The following DHRSX variants were observed in gnomAD, a reference collection of about 807,000 sequenced individuals.
DHRSX encodes the protein polyprenol dehydrogenase.
DHRSX carries 31 observed loss-of-function variants against 34.0 expected under a neutral mutation model. That is an observed-to-expected ratio of 0.91 (90% confidence interval 0.69 to 1.23). DHRSX has a LOEUF of 1.23. DHRSX is among the 50% of genes most tolerant of loss of function. The pLI is 0.00. For missense variants in DHRSX, 414 were observed against 428.1 expected, an observed-to-expected ratio of 0.97 and a Z score of 0.29; for synonymous variants, 201 against 183.8, an observed-to-expected ratio of 1.09 and a Z score of -0.76.
intron 1 of DHRSX, among the ~76,000 whole-genome samples, chrX:2,459,918 G>A (rs2044379578): frequency 6.6e-6 from 1 of 151,952 alleles, no homozygotes; most frequent in South Asian, 2.1e-4. Context: ...GAACAGCAAG[G>A]CCAATATGCT....
At chrX:2,468,180 C>T (rs895067035) in intron 1 of DHRSX, among the ~76,000 whole-genome samples, 7 of 152,108 alleles carry the variant, frequency 4.6e-5, no homozygotes, top group African/African-American at 1.4e-4. Context: ...AGGTTCTGAA[C>T]CTCTGATCTG....
intron 3 of DHRSX, among the ~76,000 whole-genome samples, chrX:2,356,957 A>C (rs2042861331): frequency 6.6e-6 from 1 of 152,148 alleles, no homozygotes; most frequent in Non-Finnish European, 1.5e-5. Flanking sequence ...CAAAAGGTGC[A>C]CATGGGCCAG....
At chrX:2,454,976 G>T (rs1365949508) in intron 1 of DHRSX, among the ~76,000 whole-genome samples, 2 of 151,940 alleles carry the variant, frequency 1.3e-5, no homozygotes, top group Admixed American at 1.3e-4. Flanking sequence ...GCTGGGCGTG[G>T]TGGCATGCAC....
rs2015486038 is a variant in DHRSX at position 2,219,864 on chromosome X, A to G, written c.*1177T>C. ...GTTGAAATTTGAAAACCCAACATCT[A>G]TCTCTCTAACACCAAAGGATTGAGC... On this transcript the variant is annotated 3_prime_UTR_variant, in exon 7 of 7. Coordinates refer to ENST00000334651, the MANE Select transcript of DHRSX (RefSeq NM_145177.3). 1 of 152,216 alleles carries G rather than the reference A, an allele frequency of 6.6e-6. No individual in the cohort carries two copies. Among genetic ancestry groups the G allele is most frequent in the African/African-American group, 2.4e-5 (1 of 41,464 alleles). 9.4% of individuals were successfully genotyped at this position (152,216 alleles called of 1,614,324 possible). A position where few individuals can be genotyped will look rare whatever the true frequency, so the allele number is the denominator to read the frequency against.
intron 3 of DHRSX, among the ~76,000 whole-genome samples, chrX:2,345,420 A>G (rs1003803032): frequency 4.6e-5 from 7 of 151,824 alleles, no homozygotes; most frequent in Admixed American, 3.9e-4. Flanking sequence ...AGGCAGGTGG[A>G]TCATCTGAGG....
chrX:2,239,626 A>T (rs1401724705), intron 6 of DHRSX, among the ~76,000 whole-genome samples: 1 of 151,962 alleles, frequency 6.6e-6, no homozygotes, highest in Admixed American at 6.6e-5. Flanking sequence ...AAAATTAGCC[A>T]GACGTGGTGG....
intron 1 of DHRSX, among the ~76,000 whole-genome samples, chrX:2,435,648 C>T (rs1259348787): frequency 6.6e-6 from 1 of 151,948 alleles, no homozygotes; most frequent in Non-Finnish European, 1.5e-5. Context: ...ATGTGTAGTC[C>T]CAGGTACGTG....
intron 5 of DHRSX, among the ~76,000 whole-genome samples, chrX:2,247,650 T>C (rs1451159493): frequency 1.3e-5 from 1 of 77,996 alleles, no homozygotes; most frequent in Non-Finnish European, 2.8e-5. Flanking sequence ...TGAAACTCCG[T>C]CTCACAAAAA....
At chrX:2,263,872 G>A (rs1161759250) in intron 5 of DHRSX, among the ~76,000 whole-genome samples, 4 of 152,104 alleles carry the variant, frequency 2.6e-5, no homozygotes, top group African/African-American at 4.8e-5. Context: ...CAGAGGAATC[G>A]TTTTTATCCT....
rs143654755 is a variant in DHRSX at position 2,303,512 on chromosome X, T to C, written c.287-11909A>G. Among the ~76,000 whole-genome samples, 388 of 152,240 alleles carry C rather than the reference T, an allele frequency of 2.5e-3. 2 individuals carry two copies. Among genetic ancestry groups the C allele is most frequent in the African/African-American group, 8.9e-3 (369 of 41,530 alleles). On this transcript the variant is annotated intron_variant, in intron 3 of 6. Transcript: ENST00000334651. ...CTGGCTTCCACTTCACCTTCCATCA[T>C]GATTGTAAGTTGCCTGAGGCCTCCC...
In DHRSX at chrX:2,249,191, C is replaced by CTTTT. The variant is rs541852639; in HGVS notation, c.597-5965_597-5962dup. 7.0e-4 allele frequency among the ~76,000 whole-genome samples: 83 copies of CTTTT among 118,844 alleles called. 2 individuals carry two copies. Among genetic ancestry groups the CTTTT allele is most frequent in the African/African-American group, 1.6e-3 (47 of 30,064 alleles). The allele number at this position is 118,844 out of a possible 152,430, so 78.0% of individuals were successfully genotyped here. On this transcript the variant is annotated intron_variant, in intron 5 of 6. Coordinates refer to ENST00000334651, the MANE Select transcript of DHRSX (RefSeq NM_145177.3). ...CAACTCAATCTTTAAAATCATAAATCTTTTTTTTTTTTTTTTTTTGAGACA... is the reference window on the plus strand; with the variant it reads ...CAACTCAATCTTTAAAATCATAAATCTTTTTTTTTTTTTTTTTTTTTTTGAGACA...
chrX:2,288,329 G>A (rs565416901), intron 4 of DHRSX, among the ~76,000 whole-genome samples: 2 of 152,080 alleles, frequency 1.3e-5, no homozygotes, highest in African/African-American at 2.4e-5. Context: ...TCTGCCTCCC[G>A]GGTTCAAGCA....
At chrX:2,283,496 G>A (rs999959250) in intron 4 of DHRSX, among the ~76,000 whole-genome samples, 15 of 152,148 alleles carry the variant, frequency 9.9e-5, no homozygotes, top group African/African-American at 3.6e-4. Flanking sequence ...TCCCGGGAGG[G>A]AGACCAGATG....
Position 2,314,455 on chromosome X carries a change from GAGGAAGGAAGGGGAGAAGGA to G in DHRSX, c.287-22872_287-22853del, listed in dbSNP as rs1443906506. Among the ~76,000 whole-genome samples the G allele has an allele frequency of 4.1e-3, 111 of 26,794 alleles. 2 individuals carry two copies. The highest frequency in any genetic ancestry group is 6.8e-3 in the Non-Finnish European group (63 of 9,222). The allele number at this position is 26,794 out of a possible 152,430, so 17.6% of individuals were successfully genotyped here. On this transcript the variant is annotated intron_variant, in intron 3 of 6. Coordinates refer to ENST00000334651, the MANE Select transcript of DHRSX (RefSeq NM_145177.3). Reference sequence around the variant, plus strand: ...GAAGGGAGGAAGGAAGGGGAGAAGGGAGGAAGGAAGGGGAGAAGGAAGGAAGGAAGGAAGGGAGGTAAAGG... The same window carrying G: ...GAAGGGAGGAAGGAAGGGGAGAAGGGAGGAAGGAAGGAAGGGAGGTAAAGG...
In DHRSX at chrX:2,352,422, T is replaced by C. The variant is rs191658745; in HGVS notation, c.286+56323A>G. 1.4e-3 allele frequency among the ~76,000 whole-genome samples: 210 copies of C among 152,196 alleles called. 4 individuals are homozygous for C. In the East Asian group the frequency reaches 0.029, roughly 21 times the overall value. On this transcript the variant is annotated intron_variant, in intron 3 of 6. Transcript: ENST00000334651. The stretch of plus-strand genomic sequence containing the variant: ...CTCCAAAAACTTGAGCTATCTGAGG[T>C]GCTTCATCAACAGAGGTGTGAAAAT...
chrX:2,335,114 G>C (rs1169663822), intron 3 of DHRSX, among the ~76,000 whole-genome samples: 1 of 151,414 alleles, frequency 6.6e-6, no homozygotes, highest in East Asian at 2.0e-4. Flanking sequence ...GAACCAGGGA[G>C]GTGGAGGTTG....
At chrX:2,341,595 G>C (rs1186089019) in intron 3 of DHRSX, among the ~76,000 whole-genome samples, 1 of 147,418 alleles carries the variant, frequency 6.8e-6, no homozygotes, top group Non-Finnish European at 1.5e-5. Context: ...TTTTACATCT[G>C]CAAAGACCTT....
intron 2 of DHRSX, among the ~76,000 whole-genome samples, chrX:2,419,898 G>A (rs1284446479): frequency 1.3e-5 from 2 of 151,838 alleles, no homozygotes; most frequent in East Asian, 1.9e-4. Context: ...CAGCACACCA[G>A]CATGGCACAT....
chrX:2,284,540 G>C (rs1602870004), intron 4 of DHRSX, among the ~76,000 whole-genome samples: 1 of 152,328 alleles, frequency 6.6e-6, no homozygotes, highest in African/African-American at 2.4e-5. Context: ...TATTTCTTTG[G>C]TGGTAGGAAA....
Sources: allele counts gnomAD v4.1 joint callset (sites outside exome capture counted in the v4.1 genomes callset), GRCh38; gene constraint gnomAD v4.1.1; transcripts MANE v1.5; gene names NCBI Gene and HGNC (gene_info 2026-07-23, HGNC 2026-07-21).